The following UVSSA variants were observed in gnomAD, a reference collection of about 807,000 sequenced individuals.
UVSSA encodes UV stimulated scaffold protein A, also known as UV-stimulated scaffold protein A.
In UVSSA, 72 loss-of-function variants were observed where a neutral mutation model predicts 73.9. The ratio of observed to expected loss-of-function variants is 0.97; its 90% CI spans 0.81 to 1.19. UVSSA has a LOEUF of 1.19. Ranked by LOEUF, UVSSA falls within the 50% of genes most tolerant of loss-of-function variation. UVSSA has a pLI of 0.00. For missense variants in UVSSA, 1,150 were observed against 965.0 expected (o/e 1.19, Z -2.54); for synonymous variants, 454 against 391.3 (o/e 1.16, Z -1.89).
rs549814420 is a variant in UVSSA, at chr4:1,361,259, G to A, written c.1177-5061G>A. Among the ~76,000 whole-genome samples the A allele has an allele frequency of 3.9e-5, 6 of 152,354 alleles. No homozygotes were observed. In the South Asian group the frequency reaches 1.0e-3, roughly 26 times the overall value. On this transcript the variant is annotated intron_variant, in intron 7 of 13. Transcript: ENST00000389851. ...CCCTGCAGCTGGGACTCCAGGAAGCGGCCCGAGGCCCACCATGCTGGCTGG... is the reference window on the plus strand; with the variant it reads ...CCCTGCAGCTGGGACTCCAGGAAGCAGCCCGAGGCCCACCATGCTGGCTGG...
At chr4:1,389,802 G>C (rs1256459634), downstream of UVSSA, 1 of 152,064 alleles carries the variant, frequency 6.6e-6, no homozygotes, top group East Asian at 1.9e-4. Flanking sequence ...TGGGATTGTG[G>C]ATGTTAGCCA....
chr4:1,393,837 G>C (rs755494901), exon 14 of UVSSA: 1 of 159,784 alleles, frequency 6.3e-6, no homozygotes, highest in Non-Finnish European at 1.4e-5. Context: ...GTTTATTGTT[G>C]TTCTGTTGCT....
At chr4:1,364,809 G>A (rs1386992849) in intron 7 of UVSSA, among the ~76,000 whole-genome samples, 1 of 152,110 alleles carries the variant, frequency 6.6e-6, no homozygotes, top group Non-Finnish European at 1.5e-5. Flanking sequence ...CACCCTGGGG[G>A]CATGACCTTC....
chr4:1,354,582 A>G, intron 5 of UVSSA, 153 bp from the exon 6 acceptor site: 1 of 631,932 alleles, frequency 1.6e-6, no homozygotes. Context: ...CTTCCTTCTC[A>G]CAGCATCAGG....
At chr4:1,361,853 T>C (rs890769075) in intron 7 of UVSSA, among the ~76,000 whole-genome samples, 4 of 119,858 alleles carry the variant, frequency 3.3e-5, no homozygotes, top group Non-Finnish European at 5.1e-5. Context: ...CCTTACATCA[T>C]TTTTTTTTTT....
Position 1,363,309 on chromosome 4 carries a change from CCCAGGGCTCCAAATTTAGTCA to C in UVSSA, c.1177-3009_1177-2989del, listed in dbSNP as rs1716899016. Among the ~76,000 whole-genome samples, 10 of 152,148 alleles carry C rather than the reference CCCAGGGCTCCAAATTTAGTCA, an allele frequency of 6.6e-5. No homozygotes were observed. The South Asian group carries it at 1.9e-3, about 28-fold the overall frequency. On this transcript the variant is annotated intron_variant, in intron 7 of 13. Coordinates refer to ENST00000389851, the MANE Select transcript of UVSSA (RefSeq NM_020894.4). ...GCGCTGATTTAAGAACAAAGGGGAA[CCCAGGGCTCCAAATTTAGTCA>C]CAGAAATGAACCATTATTTGGGGAG... is the stretch of plus-strand genomic sequence containing the variant.
chr4:1,366,065 GGGTTACAGTTCGT>G (rs1316642620), intron 7 of UVSSA: 2 of 303,122 alleles, frequency 6.6e-6, no homozygotes, highest in African/African-American at 4.3e-5. Context: ...GAGTCAGCCA[GGGTTACAGTTCGT>G]GGTTTTAACA....
chr4:1,346,288 G>A (rs1438771079), upstream of UVSSA, among the ~76,000 whole-genome samples: 1 of 152,142 alleles, frequency 6.6e-6, no homozygotes, highest in Non-Finnish European at 1.5e-5. Flanking sequence ...ACCCCGGCCC[G>A]CCGCCGGCGG....
At chr4:1,350,788 T>C (rs1322655679) in intron 3 of UVSSA, among the ~76,000 whole-genome samples, 1 of 151,246 alleles carries the variant, frequency 6.6e-6, no homozygotes, top group Non-Finnish European at 1.5e-5. Flanking sequence ...AAAAAACTAC[T>C]GTGAACTTAC....
Position 1,351,832 on chromosome 4 carries a change from C to T in UVSSA, c.547C>T (p.Gln183Ter). Residue 183 changes from glutamine to a stop codon, truncating the protein, a stop_gained, in exon 4 of 14, where the codon CAA (glutamine) becomes TAA (stop). Coordinates refer to ENST00000389851, the MANE Select transcript of UVSSA (RefSeq NM_020894.4). LOFTEE classifies it high-confidence loss of function. ...ERASQAEREM[Q>*]EMSGEIESCL... ...AGCCAGCCAGGCGGAGAGGGAGATG[C>T]AAGGCAAGTGTCCAGGACGGAGGGA... 6.2e-7 allele frequency: 1 copy of T among 1,613,048 alleles called. No homozygotes were observed. Among genetic ancestry groups the T allele is most frequent in the Non-Finnish European group, 8.5e-7 (1 of 1,179,452 alleles).
intron 11 of UVSSA, 138 bp downstream of exon 11, chr4:1,380,368 C>A: frequency 1.7e-6 from 2 of 1,192,518 alleles, no homozygotes; most frequent in Non-Finnish European, 2.3e-6. Context: ...GGGGCTTATC[C>A]GTGGTGGGCA....
At chr4:1,378,302 C>G (rs1433888336) in intron 10 of UVSSA, among the ~76,000 whole-genome samples, 1 of 152,244 alleles carries the variant, frequency 6.6e-6, no homozygotes. Context: ...CCTGTAATCC[C>G]AGCACTTTGG....
At chr4:1,393,507 A>T (rs1302642373) in exon 14 of UVSSA, 3 of 152,130 alleles carry the variant, frequency 2.0e-5, no homozygotes, top group African/African-American at 7.2e-5. Flanking sequence ...GTGAGCCAGG[A>T]TCAAGCCATT....
chr4:1,376,539 G>A (rs1172015964), intron 10 of UVSSA, among the ~76,000 whole-genome samples: 5 of 152,176 alleles, frequency 3.3e-5, no homozygotes, highest in East Asian at 1.9e-4. Context: ...CTTCCTGACC[G>A]TGTTGCAGCT....
chr4:1,366,214 G>T, intron 7 of UVSSA, 106 bp from the exon 8 acceptor site: 2 of 878,452 alleles, frequency 2.3e-6, no homozygotes, highest in Non-Finnish European at 1.8e-6. Flanking sequence ...CCTAAGCAGG[G>T]GAAAAAGCTC....
upstream of UVSSA, among the ~76,000 whole-genome samples, chr4:1,345,045 C>T (rs1713568665): frequency 6.6e-6 from 1 of 152,122 alleles, no homozygotes; most frequent in South Asian, 2.1e-4. Context: ...TGGGAGCCGT[C>T]GGAGGATTTT....
At position 1,355,186 on chromosome 4, in the gene UVSSA, C is replaced by G; in HGVS notation, c.1117C>G (p.Leu373Val). The G allele has an allele frequency of 1.2e-6, 2 of 1,613,764 alleles. No homozygotes were observed. Among genetic ancestry groups the G allele is most frequent in the Non-Finnish European group, 1.7e-6 (2 of 1,179,888 alleles). ...CATTGACCTGAAGGCTGAATTGGAGCTCGTACTGAGAAAATACAAGGAGCT... is the reference window on the plus strand; with the variant it reads ...CATTGACCTGAAGGCTGAATTGGAGGTCGTACTGAGAAAATACAAGGAGCT... ...RAIDLKAELE[L>V]VLRKYKELDI... The change falls in exon 7 of 14, where the codon CTC becomes GTC. Residue 373 changes from leucine to valine, a missense_variant. Coordinates refer to ENST00000389851, the MANE Select transcript of UVSSA (RefSeq NM_020894.4).
In UVSSA at chr4:1,364,341, C is replaced by T. The variant is rs1481350175; in HGVS notation, c.1177-1979C>T. On this transcript the variant is annotated intron_variant, in intron 7 of 13. Transcript: ENST00000389851. ...GCTCCGTGGGGGCCACCTCCCCGCA[C>T]GGTGCTGGTGCGCGGGCCCCGTGGC... 2.5e-4 allele frequency among the ~76,000 whole-genome samples: 19 copies of T among 77,326 alleles called. 1 individual carries two copies. Among genetic ancestry groups the T allele is most frequent in the African/African-American group, 8.7e-4 (15 of 17,302 alleles). The allele number at this position is 77,326 out of a possible 152,430, so 50.7% of individuals were successfully genotyped here. A position where few individuals can be genotyped will look rare whatever the true frequency, so the allele number is the denominator to read the frequency against.
upstream of UVSSA, among the ~76,000 whole-genome samples, chr4:1,346,212 C>T (rs1050462107): frequency 6.6e-6 from 1 of 152,248 alleles, no homozygotes; most frequent in African/African-American, 2.4e-5. Context: ...TGTAAAAACA[C>T]GATTAACAGA....
Sources: gnomAD v4.1 joint callset for allele counts (sites outside exome capture counted in the v4.1 genomes callset) on GRCh38, gnomAD v4.1.1 for gene constraint, MANE v1.5 for transcripts, NCBI Gene and HGNC (gene_info 2026-07-23, HGNC 2026-07-21) for gene names.